SMOC2: variants seen among roughly 807,000 people sequenced by gnomAD.
SMOC2 encodes SPARC related modular calcium binding 2.
SMOC2 carries 39 observed loss-of-function variants against 61.4 expected under a neutral mutation model. The ratio of observed to expected loss-of-function variants is 0.64; its 90% CI spans 0.49 to 0.83. The LOEUF is 0.83. SMOC2 is among the 40% of genes least tolerant of loss of function. The probability of loss-of-function intolerance (pLI) is 0.00; values close to 1 mark genes in which losing one functional copy is unlikely to be tolerated. For missense variants in SMOC2, 556 were observed against 592.9 expected (o/e 0.94, Z 0.65); for synonymous variants, 247 against 239.9 (o/e 1.03, Z -0.27).
chr6:168,583,673 C>G (rs1043009803), intron 7 of SMOC2, among the ~76,000 whole-genome samples: 1 of 152,222 alleles, frequency 6.6e-6, no homozygotes, highest in African/African-American at 2.4e-5. Context: ...GCCTCCCCCG[C>G]CTCTTGCTCC....
intron 3 of SMOC2, 52 bp downstream of exon 3, chr6:168,526,504 T>A (rs913840793): frequency 2.0e-6 from 3 of 1,491,266 alleles, no homozygotes; most frequent in Non-Finnish European, 2.8e-6. Context: ...GGGAGGGAGA[T>A]GTGGAGCGGG....
intron 7 of SMOC2, among the ~76,000 whole-genome samples, chr6:168,576,071 C>T (rs1314766117): frequency 6.6e-6 from 1 of 152,098 alleles, no homozygotes; most frequent in Non-Finnish European, 1.5e-5. Context: ...CCTACCCTAG[C>T]CTTGGTCAGG....
chr6:168,664,287 C>T (rs956652053), intron 12 of SMOC2, 176 bp downstream of exon 12: 6 of 658,892 alleles, frequency 9.1e-6, no homozygotes, highest in Non-Finnish European at 1.3e-5. Flanking sequence ...GCAGCCTTGC[C>T]GAATTCTATC....
chr6:168,573,800 A>T (rs1329498129), intron 7 of SMOC2, among the ~76,000 whole-genome samples: 2 of 152,126 alleles, frequency 1.3e-5, no homozygotes, highest in Non-Finnish European at 1.5e-5. Context: ...GTGGGGGCCC[A>T]CAGGTTTCAT....
chr6:168,509,373 T>C (rs907084239), intron 1 of SMOC2, among the ~76,000 whole-genome samples: 4 of 152,196 alleles, frequency 2.6e-5, no homozygotes, highest in East Asian at 1.9e-4. Context: ...AATAGTCCAA[T>C]TGAGTGCAGT....
chr6:168,471,231 A>G (rs1202572680), intron 1 of SMOC2, among the ~76,000 whole-genome samples: 1 of 152,198 alleles, frequency 6.6e-6, no homozygotes, highest in Non-Finnish European at 1.5e-5. Flanking sequence ...GCCCAGCCCT[A>G]GTAGCCACCA....
In SMOC2 at chr6:168,598,443, A is replaced by C. The variant is rs183818975; in HGVS notation, c.638-375A>C. Among the ~76,000 whole-genome samples the C allele has an allele frequency of 9.8e-4, 149 of 152,272 alleles. 1 individual carries two copies. The highest frequency in any genetic ancestry group is 3.4e-3 in the African/African-American group (141 of 41,538). ...TGGCTCGGAGCAGGGAGTGGAGAAGACTTCCAGCCACAGGGCTGGTTCTGC... is the reference window on the plus strand; with the variant it reads ...TGGCTCGGAGCAGGGAGTGGAGAAGCCTTCCAGCCACAGGGCTGGTTCTGC... On this transcript the variant is annotated intron_variant, in intron 7 of 12. Transcript: ENST00000356284.
At chr6:168,466,756 G>A (rs1781843407) in intron 1 of SMOC2, among the ~76,000 whole-genome samples, 1 of 152,254 alleles carries the variant, frequency 6.6e-6, no homozygotes, top group African/African-American at 2.4e-5. Flanking sequence ...GCCAAGGCCG[G>A]TGGAGGGAGG....
chr6:168,605,649 G>A (rs760711103), intron 8 of SMOC2, among the ~76,000 whole-genome samples: 42 of 152,128 alleles, frequency 2.8e-4, no homozygotes, highest in Non-Finnish European at 3.5e-4. Context: ...CGAAATGCCC[G>A]TCCAGGTGGC....
intron 7 of SMOC2, among the ~76,000 whole-genome samples, chr6:168,569,879 T>G (rs1334882109): frequency 6.6e-6 from 1 of 152,234 alleles, no homozygotes; most frequent in Non-Finnish European, 1.5e-5. Context: ...TATCAATGAT[T>G]TCTTTCATAC....
rs1364106869 is a variant in SMOC2, at chr6:168,553,092, G to C, written c.637+3889G>C. On this transcript the variant is annotated intron_variant, in intron 7 of 12. Transcript: ENST00000356284. The surrounding 1 kb of genome is among the most constrained non-coding windows in gnomAD (Gnocchi z 4.2). ...ACCAAATTAATACATAACTGGAAAA[G>C]AGAGAATCTAGGCACCCCTAGAGGT... 6.6e-6 allele frequency among the ~76,000 whole-genome samples: 1 copy of C among 152,146 alleles called. No individual in the cohort carries two copies. Among genetic ancestry groups the C allele is most frequent in the African/African-American group, 2.4e-5 (1 of 41,426 alleles).
chr6:168,464,748 T>A (rs566788029), intron 1 of SMOC2, among the ~76,000 whole-genome samples: 2 of 152,306 alleles, frequency 1.3e-5, no homozygotes, highest in East Asian at 3.9e-4. Flanking sequence ...TCCAGATTTC[T>A]CTCCAGATTG....
At chr6:168,513,492 CACACACACACAT>C (rs1783059186) in intron 2 of SMOC2, among the ~76,000 whole-genome samples, 1 of 148,762 alleles carries the variant, frequency 6.7e-6, no homozygotes, top group South Asian at 2.1e-4. Context: ...CATACACACA[CACACACACACAT>C]AGACACTCAC....
intron 9 of SMOC2, among the ~76,000 whole-genome samples, chr6:168,627,291 A>G (rs76300156): frequency 0.023 from 3,554 of 152,238 alleles, 282 homozygotes; most frequent in Admixed American, 0.16. Context: ...GGAAAGTGTG[A>G]TATTGTTTGT....
At chr6:168,574,973 T>C (rs1222294865) in intron 7 of SMOC2, among the ~76,000 whole-genome samples, 1 of 152,202 alleles carries the variant, frequency 6.6e-6, no homozygotes, top group Non-Finnish European at 1.5e-5. Context: ...AAGCTAAACA[T>C]TTAGACTCTG....
chr6:168,647,400 C>T (rs1787063414), intron 9 of SMOC2, among the ~76,000 whole-genome samples: 1 of 152,234 alleles, frequency 6.6e-6, no homozygotes, highest in Admixed American at 6.5e-5. Flanking sequence ...CTGAATCACA[C>T]ACCACAAAAT....
chr6:168,546,898 G>T (rs537034323), intron 5 of SMOC2, among the ~76,000 whole-genome samples: 2 of 152,322 alleles, frequency 1.3e-5, no homozygotes, highest in African/African-American at 4.8e-5. Context: ...AGTTAGGTCA[G>T]TGTCTAGCCT....
chr6:168,597,945 G>T (rs967411253), intron 7 of SMOC2, among the ~76,000 whole-genome samples: 2 of 152,244 alleles, frequency 1.3e-5, no homozygotes, highest in East Asian at 3.9e-4. Context: ...TCTAAACAAA[G>T]GAGAAACTGA....
At chr6:168,532,162 C>T (rs1298739481) in intron 4 of SMOC2, among the ~76,000 whole-genome samples, 2 of 152,112 alleles carry the variant, frequency 1.3e-5, no homozygotes, top group Non-Finnish European at 2.9e-5. Flanking sequence ...GTTTCTTGCT[C>T]ACAGTTTAGA....
Sources: allele counts gnomAD v4.1 joint callset (sites outside exome capture counted in the v4.1 genomes callset), GRCh38; gene constraint gnomAD v4.1.1; non-coding constraint Gnocchi (gnomAD v3.1); transcripts MANE v1.5; gene names NCBI Gene and HGNC (gene_info 2026-07-23, HGNC 2026-07-21).